The following PTPRK variants were observed in gnomAD, a reference collection of about 807,000 sequenced individuals.
PTPRK encodes the protein receptor-type tyrosine-protein phosphatase kappa.
In PTPRK, 75 loss-of-function variants were observed where a neutral mutation model predicts 178.0. The observed-to-expected ratio is 0.42, with a 90% CI of 0.35 to 0.51. The LOEUF (loss-of-function observed/expected upper bound fraction) is 0.51. Ranked by LOEUF, PTPRK falls within the 20% of genes least tolerant of loss-of-function variation. The probability of loss-of-function intolerance (pLI) is 0.02; values close to 1 mark genes in which losing one functional copy is unlikely to be tolerated. For missense variants in PTPRK, 1,441 were observed against 1,797.8 expected (o/e 0.80, Z 3.59); for synonymous variants, 637 against 620.6 (o/e 1.03, Z -0.39).
chr6:128,156,296 G>A (rs1797938696), intron 7 of PTPRK, among the ~76,000 whole-genome samples: 1 of 151,758 alleles, frequency 6.6e-6, no homozygotes, highest in Non-Finnish European at 1.5e-5. Context: ...ATACATACTA[G>A]GTATTTGTCC....
At chr6:128,439,435 A>G (rs1846023473) in intron 1 of PTPRK, among the ~76,000 whole-genome samples, 1 of 152,222 alleles carries the variant, frequency 6.6e-6, no homozygotes, top group Non-Finnish European at 1.5e-5. Context: ...GTAATTTGAA[A>G]CAATAATCCT....
At chr6:128,402,439 G>A (rs187221532) in intron 1 of PTPRK, among the ~76,000 whole-genome samples, 39 of 152,170 alleles carry the variant, frequency 2.6e-4, no homozygotes, top group Admixed American at 2.4e-3. Context: ...TTTTAGTAGA[G>A]ACGGGGTTTC....
intron 22 of PTPRK, 73 bp downstream of exon 22, chr6:127,985,648 C>A: frequency 7.0e-7 from 1 of 1,431,100 alleles, no homozygotes; most frequent in Non-Finnish European, 9.4e-7. Context: ...AGTTTTTGTG[C>A]TCAAAAGCCT....
intron 1 of PTPRK, among the ~76,000 whole-genome samples, chr6:128,436,473 G>A (rs550990823): frequency 5.3e-5 from 8 of 152,194 alleles, no homozygotes; most frequent in East Asian, 1.9e-4. Flanking sequence ...TCTCTAAAAC[G>A]ACTTTTCTTT....
Position 128,379,390 on chromosome 6 carries a change from C to T in PTPRK, c.223+18176G>A, listed in dbSNP as rs1290932799. Among the ~76,000 whole-genome samples, 5 of 152,090 alleles carry T rather than the reference C, an allele frequency of 3.3e-5. No homozygotes were observed. In the East Asian group the frequency reaches 9.6e-4, roughly 29 times the overall value. On this transcript the variant is annotated intron_variant, in intron 2 of 29. Transcript: ENST00000368226. ...CCAAGTATCAATCCATTTACATTAC[C>T]AACACAATACACTTGTTACTTCGTG...
chr6:128,321,920 TG>T (rs1345123844), intron 3 of PTPRK, 118 bp downstream of exon 3: 1 of 1,288,838 alleles, frequency 7.8e-7, no homozygotes, highest in Non-Finnish European at 1.1e-6. Flanking sequence ...ATAATGGGGG[TG>T]GGGGAGGCAA....
At chr6:128,242,249 A>G (rs1344068648) in intron 4 of PTPRK, among the ~76,000 whole-genome samples, 1 of 152,206 alleles carries the variant, frequency 6.6e-6, no homozygotes, top group East Asian at 1.9e-4. Context: ...AAGTCCTACT[A>G]ACAGCTGCCT....
In PTPRK at chr6:128,328,602, T is replaced by G. The variant is rs1829871971; in HGVS notation, c.224-6292A>C. On this transcript the variant is annotated intron_variant, in intron 2 of 29. Transcript: ENST00000368226. The stretch of plus-strand genomic sequence containing the variant: ...TTTAATGTATTTGTCAGAGTCACGC[T>G]GGTATATATAAGAAACCTTATATTA... 2.0e-5 allele frequency among the ~76,000 whole-genome samples: 3 copies of G among 152,166 alleles called. No individual in the cohort carries two copies. The South Asian group carries it at 6.2e-4, about 32-fold the overall frequency.
At chr6:128,046,905 T>G (rs922460137) in intron 13 of PTPRK, among the ~76,000 whole-genome samples, 1 of 152,178 alleles carries the variant, frequency 6.6e-6, no homozygotes, top group African/African-American at 2.4e-5. Context: ...TAAACTGTTC[T>G]TTTTCTTCTC....
At chr6:128,061,603 G>A (rs1246094889) in intron 13 of PTPRK, among the ~76,000 whole-genome samples, 1 of 152,084 alleles carries the variant, frequency 6.6e-6, no homozygotes, top group Non-Finnish European at 1.5e-5. Flanking sequence ...CACAAGACTT[G>A]CCCATAGGAG....
At chr6:127,979,758 A>G (rs1775056841) in intron 25 of PTPRK, among the ~76,000 whole-genome samples, 1 of 152,262 alleles carries the variant, frequency 6.6e-6, no homozygotes, top group African/African-American at 2.4e-5. Context: ...ATAGTCAGAA[A>G]GAAATGAACC....
At chr6:128,031,419 G>T (rs905131327) in intron 13 of PTPRK, among the ~76,000 whole-genome samples, 2 of 152,186 alleles carry the variant, frequency 1.3e-5, no homozygotes, top group Non-Finnish European at 2.9e-5. Context: ...CAAATTGCAT[G>T]ACACTAATGC....
intron 6 of PTPRK, among the ~76,000 whole-genome samples, chr6:128,194,050 T>A (rs1804380870): frequency 7.2e-6 from 1 of 138,468 alleles, no homozygotes; most frequent in African/African-American, 2.8e-5. Context: ...TAAATCGCAA[T>A]AATATTTATA....
At chr6:128,075,798 AGTTT>A (rs1286966123) in intron 11 of PTPRK, among the ~76,000 whole-genome samples, 1 of 152,010 alleles carries the variant, frequency 6.6e-6, no homozygotes, top group Non-Finnish European at 1.5e-5. Flanking sequence ...GTAGAACTGG[AGTTT>A]GTTTGATATT....
intron 2 of PTPRK, among the ~76,000 whole-genome samples, chr6:128,384,194 C>T (rs761477294): frequency 6.6e-6 from 1 of 152,154 alleles, no homozygotes. Flanking sequence ...CTCACTTTGA[C>T]AACTGGTTGA....
chr6:128,197,256 C>A (rs994694041), intron 6 of PTPRK, among the ~76,000 whole-genome samples: 2 of 138,718 alleles, frequency 1.4e-5, no homozygotes, highest in Admixed American at 1.6e-4. Flanking sequence ...AGGTTTGTTA[C>A]ATAGGTATAC....
At chr6:128,019,496 A>C (rs1773140137) in intron 13 of PTPRK, among the ~76,000 whole-genome samples, 1 of 151,926 alleles carries the variant, frequency 6.6e-6, no homozygotes, top group South Asian at 2.1e-4. Flanking sequence ...AGACAAATGA[A>C]TGGAATCTGG....
At chr6:128,025,721 C>T (rs921944626) in intron 13 of PTPRK, among the ~76,000 whole-genome samples, 6 of 152,122 alleles carry the variant, frequency 3.9e-5, no homozygotes, top group African/African-American at 1.2e-4. Context: ...CATTCCTTGC[C>T]TTTTCCAGCT....
rs746682312 is a variant in PTPRK at position 128,520,280 on chromosome 6, C to T, written c.79G>A (p.Ala27Thr). 14 of 1,603,544 alleles carry T rather than the reference C, an allele frequency of 8.7e-6. No individual in the cohort carries two copies. The highest frequency in any genetic ancestry group is 6.8e-5 in the Admixed American group (4 of 58,898). Residue 27 changes from alanine to threonine, a missense_variant, in exon 1 of 30, where the codon GCC (alanine) becomes ACC (threonine). Ala to Thr is a moderately conservative substitution (Grantham distance 58). This residue lies in a region of PTPRK where 158 missense variants were observed against 188.0 expected (regional missense o/e 0.84). Transcript: ENST00000368226. ...TCACCTGCGGAGAACTGGCCTTGGG[C>T]CGATCCCAGGAGAGGCCAAGGAGAG... ...LLSPWPLLGS[A>T]QGQFSAGGCT...
Sources: gnomAD v4.1 joint callset for allele counts (sites outside exome capture counted in the v4.1 genomes callset) on GRCh38, gnomAD v4.1.1 for gene constraint, gnomAD v4.1.1 regional missense constraint, MANE v1.5 for transcripts, NCBI Gene and HGNC (gene_info 2026-07-23, HGNC 2026-07-21) for gene names.